The following PCDH9 variants were observed in gnomAD, a reference collection of about 807,000 sequenced individuals.
PCDH9 encodes the protein protocadherin 9.
A neutral mutation model predicts 70.6 loss-of-function variants in PCDH9; 24 were observed. The ratio of observed to expected loss-of-function variants is 0.34; its 90% CI spans 0.25 to 0.48. The LOEUF is 0.48. Among genes scored for constraint, PCDH9 ranks in the 20% least tolerant of loss-of-function variants. PCDH9 has a pLI of 0.99. For missense variants in PCDH9, 1,281 were observed against 1,503.6 expected (o/e 0.85, Z 2.45); for synonymous variants, 562 against 558.5 (o/e 1.01, Z -0.09).
intron 3 of PCDH9, among the ~76,000 whole-genome samples, chr13:66,799,030 G>A (rs1349846733): frequency 6.6e-6 from 1 of 152,064 alleles, no homozygotes; most frequent in African/African-American, 2.4e-5. Context: ...AGCCAGGTTG[G>A]TCTCAAACTC....
chr13:66,316,693 T>C (rs1441704329), intron 4 of PCDH9, among the ~76,000 whole-genome samples: 2 of 152,138 alleles, frequency 1.3e-5, no homozygotes, highest in Non-Finnish European at 2.9e-5. Context: ...TTAAAAATAA[T>C]GATATCCTCT....
At chr13:66,901,003 A>G (rs570998164) in intron 3 of PCDH9, among the ~76,000 whole-genome samples, 1 of 151,826 alleles carries the variant, frequency 6.6e-6, no homozygotes, top group East Asian at 1.9e-4. Flanking sequence ...CTCAAGAATA[A>G]TTAACACTAG....
intron 4 of PCDH9, among the ~76,000 whole-genome samples, chr13:66,607,132 T>G (rs911643618): frequency 6.6e-5 from 10 of 152,090 alleles, no homozygotes; most frequent in African/African-American, 2.4e-4. Context: ...AATAAAACAT[T>G]AGCTAAGGCA....
intron 4 of PCDH9, among the ~76,000 whole-genome samples, chr13:66,316,706 T>C (rs531187720): frequency 1.3e-5 from 2 of 152,210 alleles, no homozygotes; most frequent in East Asian, 3.9e-4. Flanking sequence ...TATCCTCTAC[T>C]CAGTCAATTT....
At chr13:66,511,098 T>A (rs117731980) in intron 4 of PCDH9, among the ~76,000 whole-genome samples, 1,651 of 152,256 alleles carry the variant, frequency 0.011, 39 homozygotes, top group East Asian at 0.092. Context: ...AATGTTCCAG[T>A]GCCTCTCAAC....
intron 3 of PCDH9, among the ~76,000 whole-genome samples, chr13:66,689,135 T>C (rs1023607361): frequency 6.6e-6 from 1 of 152,168 alleles, no homozygotes; most frequent in Non-Finnish European, 1.5e-5. Flanking sequence ...TCTGCTTTCA[T>C]TTTCAAATAT....
intron 4 of PCDH9, among the ~76,000 whole-genome samples, chr13:66,321,196 G>A (rs1169397346): frequency 1.3e-5 from 2 of 152,026 alleles, no homozygotes; most frequent in Non-Finnish European, 2.9e-5. Context: ...CCAAAGTCAT[G>A]AAACAGGAAA....
At chr13:66,998,080 A>G (rs1455079801) in intron 2 of PCDH9, among the ~76,000 whole-genome samples, 1 of 152,130 alleles carries the variant, frequency 6.6e-6, no homozygotes, top group Non-Finnish European at 1.5e-5. Flanking sequence ...TGATATGAGA[A>G]AATTTTATAT....
chr13:66,424,375 GA>G (rs1957627933), intron 4 of PCDH9, among the ~76,000 whole-genome samples: 1 of 151,832 alleles, frequency 6.6e-6, no homozygotes, highest in Admixed American at 6.6e-5. Flanking sequence ...AAGCCTACAG[GA>G]TAACAGACTT....
chr13:66,601,171 C>A (rs2077161418), intron 4 of PCDH9, among the ~76,000 whole-genome samples: 1 of 145,552 alleles, frequency 6.9e-6, no homozygotes, highest in African/African-American at 2.5e-5. Context: ...TAGCTATGGG[C>A]TAGATCTAAT....
At chr13:66,779,662 A>C (rs1313555270) in intron 3 of PCDH9, among the ~76,000 whole-genome samples, 3 of 151,822 alleles carry the variant, frequency 2.0e-5, no homozygotes, top group Non-Finnish European at 2.9e-5. Context: ...CTCTACTAAA[A>C]ATACAAAAAT....
chr13:67,018,280 G>T (rs773534851), intron 2 of PCDH9, among the ~76,000 whole-genome samples: 7 of 151,972 alleles, frequency 4.6e-5, no homozygotes, highest in Admixed American at 1.3e-4. Context: ...TAAATTAATT[G>T]ATTAATATTG....
intron 2 of PCDH9, among the ~76,000 whole-genome samples, chr13:67,017,170 G>T (rs970570960): frequency 1.3e-5 from 2 of 152,146 alleles, no homozygotes; most frequent in African/African-American, 4.8e-5. Flanking sequence ...TAGAAAAATA[G>T]AATGATTTCA....
chr13:66,420,001 C>T (rs1481531943), intron 4 of PCDH9, among the ~76,000 whole-genome samples: 2 of 152,106 alleles, frequency 1.3e-5, no homozygotes, highest in Non-Finnish European at 2.9e-5. Flanking sequence ...GGGCATCCGC[C>T]ATTACTGAGG....
intron 4 of PCDH9, among the ~76,000 whole-genome samples, chr13:66,472,289 G>A (rs1658767846): frequency 6.6e-6 from 1 of 151,884 alleles, no homozygotes; most frequent in Non-Finnish European, 1.5e-5. Flanking sequence ...AAAAACCCAG[G>A]TCAGGTGTGG....
At chr13:67,006,525 C>A (rs2084358362) in intron 2 of PCDH9, among the ~76,000 whole-genome samples, 1 of 152,146 alleles carries the variant, frequency 6.6e-6, no homozygotes, top group South Asian at 2.1e-4. Flanking sequence ...AGTCATATCC[C>A]TGGCGATTTT....
At chr13:67,059,614 C>T (rs1258181746) in intron 2 of PCDH9, among the ~76,000 whole-genome samples, 1 of 151,248 alleles carries the variant, frequency 6.6e-6, no homozygotes, top group African/African-American at 2.4e-5. Flanking sequence ...ACATACGGCT[C>T]AAGTGTCCTT....
chr13:66,480,815 T>A (rs1958821887), intron 4 of PCDH9, among the ~76,000 whole-genome samples: 1 of 152,324 alleles, frequency 6.6e-6, no homozygotes, highest in East Asian at 1.9e-4. Flanking sequence ...TCTGGGTATA[T>A]AACCAAAGGA....
intron 3 of PCDH9, among the ~76,000 whole-genome samples, chr13:66,754,316 T>G (rs1338072481): frequency 1.3e-5 from 2 of 152,096 alleles, no homozygotes; most frequent in East Asian, 3.8e-4. Flanking sequence ...CCATGGCACA[T>G]GTATACCTAT....
Sources: allele counts gnomAD v4.1 joint callset (sites outside exome capture counted in the v4.1 genomes callset), GRCh38; gene constraint gnomAD v4.1.1; transcripts MANE v1.5; gene names NCBI Gene and HGNC (gene_info 2026-07-23, HGNC 2026-07-21).